The following RORA variants were observed in gnomAD, a reference collection of about 807,000 sequenced individuals.
RORA encodes the protein nuclear receptor ROR-alpha.
A neutral mutation model predicts 69.5 loss-of-function variants in RORA; 7 were observed. The ratio of observed to expected loss-of-function variants is 0.10; its 90% CI spans 0.06 to 0.19. The LOEUF (loss-of-function observed/expected upper bound fraction) is 0.19, where lower values mean the gene tolerates loss of function less well. Among genes scored for constraint, RORA ranks in the 10% least tolerant of loss-of-function variants. The probability of loss-of-function intolerance (pLI) is 1.00; values close to 1 mark genes in which losing one functional copy is unlikely to be tolerated. For missense variants in RORA, 457 were observed against 663.0 expected, an observed-to-expected ratio of 0.69 and a Z score of 3.41; for synonymous variants, 261 against 240.8, an observed-to-expected ratio of 1.08 and a Z score of -0.78.
intron 2 of RORA, among the ~76,000 whole-genome samples, chr15:60,546,665 A>G (rs1368167275): frequency 6.6e-6 from 1 of 152,220 alleles, no homozygotes; most frequent in African/African-American, 2.4e-5. Context: ...TGTCACAACT[A>G]AAATTTACAT....
At position 61,104,213 on chromosome 15, in the gene RORA, T is replaced by C. The variant is rs144421135; in HGVS notation, c.166+124840A>G. 4.3e-4 allele frequency among the ~76,000 whole-genome samples: 65 copies of C among 152,260 alleles called. No homozygotes were observed. In the East Asian group the frequency reaches 0.012, roughly 27 times the overall value. On this transcript the variant is annotated intron_variant, in intron 1 of 10. Coordinates refer to ENST00000335670, the MANE Select transcript of RORA (RefSeq NM_134261.3). The stretch of plus-strand genomic sequence containing the variant: ...ATATCCTTCTGTTCTCCTGGTCACA[T>C]CAAAGCACCTTCACGCTATGCAGAC...
intron 1 of RORA, among the ~76,000 whole-genome samples, chr15:60,685,943 A>G (rs2070740246): frequency 6.6e-6 from 1 of 152,206 alleles, no homozygotes; most frequent in African/African-American, 2.4e-5. Flanking sequence ...CTGTTTCGGC[A>G]ATAATATTTC....
chr15:61,154,157 C>A (rs948904363), intron 1 of RORA, among the ~76,000 whole-genome samples: 1 of 152,148 alleles, frequency 6.6e-6, no homozygotes, highest in Non-Finnish European at 1.5e-5. Flanking sequence ...ATCCACATCT[C>A]ATTTTGAAGG....
chr15:60,639,084 G>T (rs916623817), intron 2 of RORA, among the ~76,000 whole-genome samples: 1 of 152,064 alleles, frequency 6.6e-6, no homozygotes, highest in African/African-American at 2.4e-5. Flanking sequence ...TATCAGTGAT[G>T]GGCAGTCTCT....
chr15:60,934,951 C>T (rs1045939787), intron 1 of RORA, among the ~76,000 whole-genome samples: 4 of 152,346 alleles, frequency 2.6e-5, no homozygotes, highest in Admixed American at 1.3e-4. Flanking sequence ...TTGTCTAAGC[C>T]GTTAACTGTG....
Position 61,147,903 on chromosome 15 carries a change from T to C in RORA, c.166+81150A>G, listed in dbSNP as rs910632626. On this transcript the variant is annotated intron_variant, in intron 1 of 10. Transcript: ENST00000335670. The surrounding 1 kb of genome is among the most constrained non-coding windows in gnomAD (Gnocchi z 4.1). ...AAACTTGGCAGGGCAGGAACAAGGA[T>C]AGTTCATCCAGAATTACCTTAAGAA... Among the ~76,000 whole-genome samples the C allele has an allele frequency of 1.3e-5, 2 of 152,288 alleles. No individual in the cohort carries two copies. Among genetic ancestry groups the C allele is most frequent in the Non-Finnish European group, 2.9e-5 (2 of 68,028 alleles).
At chr15:60,913,243 G>A (rs537090644) in intron 1 of RORA, among the ~76,000 whole-genome samples, 1 of 152,102 alleles carries the variant, frequency 6.6e-6, no homozygotes, top group Non-Finnish European at 1.5e-5. Context: ...AGGGGCCCTT[G>A]GTGTGGACAT....
chr15:60,805,422 G>A (rs2072646617), intron 1 of RORA, among the ~76,000 whole-genome samples: 2 of 152,216 alleles, frequency 1.3e-5, no homozygotes, highest in African/African-American at 4.8e-5. Flanking sequence ...GCAGGGAGAA[G>A]GAGGCAGCCA....
chr15:60,980,125 AT>A (rs1193296162), intron 1 of RORA, among the ~76,000 whole-genome samples: 1 of 152,094 alleles, frequency 6.6e-6, no homozygotes, highest in Non-Finnish European at 1.5e-5. Flanking sequence ...TTCTATATCT[AT>A]TGAGATGATC....
At chr15:61,055,881 G>A (rs953729009) in intron 1 of RORA, among the ~76,000 whole-genome samples, 3 of 152,202 alleles carry the variant, frequency 2.0e-5, no homozygotes, top group Non-Finnish European at 4.4e-5. Context: ...CAGAGTAAAT[G>A]TCTCTTGACA....
At chr15:61,114,337 G>C (rs187711038) in intron 1 of RORA, among the ~76,000 whole-genome samples, 25 of 152,226 alleles carry the variant, frequency 1.6e-4, no homozygotes, top group African/African-American at 5.8e-4. Context: ...GCTCAGGTAA[G>C]TTTTAGCTTT....
intron 1 of RORA, among the ~76,000 whole-genome samples, chr15:60,702,521 C>T (rs1020430932): frequency 6.6e-5 from 10 of 152,286 alleles, no homozygotes; most frequent in Non-Finnish European, 1.3e-4. Flanking sequence ...CGTGAGCCAC[C>T]GCGCCTGGCC....
intron 1 of RORA, among the ~76,000 whole-genome samples, chr15:61,220,161 A>T (rs1259431897): frequency 1.3e-5 from 2 of 152,242 alleles, no homozygotes; most frequent in Non-Finnish European, 2.9e-5. Flanking sequence ...TCAGTCAACT[A>T]ATAAGAGCAC....
At chr15:60,859,369 A>C (rs927086675) in intron 1 of RORA, among the ~76,000 whole-genome samples, 3 of 151,926 alleles carry the variant, frequency 2.0e-5, no homozygotes, top group Admixed American at 6.6e-5. Context: ...GCTTAGCAGC[A>C]TCAGCCTCAC....
intron 2 of RORA, among the ~76,000 whole-genome samples, chr15:60,592,086 T>C (rs1292159504): frequency 1.3e-5 from 2 of 151,902 alleles, no homozygotes; most frequent in Admixed American, 1.3e-4. Flanking sequence ...CCCGGCAAAC[T>C]TTCTTTTGGG....
chr15:61,127,227 G>T (rs908585729), intron 1 of RORA, among the ~76,000 whole-genome samples: 1 of 152,146 alleles, frequency 6.6e-6, no homozygotes, highest in Non-Finnish European at 1.5e-5. Context: ...TTTTCTCTGA[G>T]TGGAAAGGAC....
chr15:60,704,884 C>T (rs368793888), intron 1 of RORA, among the ~76,000 whole-genome samples: 7 of 152,268 alleles, frequency 4.6e-5, no homozygotes, highest in African/African-American at 1.4e-4. Context: ...AGCTTGCACA[C>T]GACATCACAT....
intron 2 of RORA, among the ~76,000 whole-genome samples, chr15:60,533,321 G>A (rs1450028924): frequency 6.6e-6 from 1 of 152,068 alleles, no homozygotes; most frequent in Non-Finnish European, 1.5e-5. Flanking sequence ...TCTATACTCT[G>A]GAGGCTTTCT....
chr15:61,018,952 C>G (rs187317305), intron 1 of RORA, among the ~76,000 whole-genome samples: 1 of 152,266 alleles, frequency 6.6e-6, no homozygotes, highest in African/African-American at 2.4e-5. Context: ...ACCTACGTAT[C>G]CAGGCTGAAG....
Sources: allele counts gnomAD v4.1 joint callset (sites outside exome capture counted in the v4.1 genomes callset), GRCh38; gene constraint gnomAD v4.1.1; non-coding constraint Gnocchi (gnomAD v3.1); transcripts MANE v1.5; gene names NCBI Gene and HGNC (gene_info 2026-07-23, HGNC 2026-07-21).